The following CNGB3 variants were observed in gnomAD, a reference collection of about 807,000 sequenced individuals.
The protein encoded by CNGB3 is cyclic nucleotide gated channel subunit beta 3.
CNGB3 carries 86 observed loss-of-function variants against 92.8 expected under a neutral mutation model. That is an observed-to-expected ratio of 0.93 (90% CI 0.78 to 1.11). CNGB3 has a LOEUF of 1.11. Among genes scored for constraint, CNGB3 ranks in the 50% least tolerant of loss-of-function variants. The probability of loss-of-function intolerance (pLI) is 0.00; values close to 1 mark genes in which losing one functional copy is unlikely to be tolerated. For synonymous variants in CNGB3, 333 were observed against 332.7 expected, an observed-to-expected ratio of 1.00 and a Z score of -0.01; for missense variants, 1,026 against 956.8, an observed-to-expected ratio of 1.07 and a Z score of -0.95.
At chr8:86,639,658 A>G (rs187016437) in intron 10 of CNGB3, among the ~76,000 whole-genome samples, 37 of 152,262 alleles carry the variant, frequency 2.4e-4, no homozygotes, top group Admixed American at 6.5e-4. Flanking sequence ...TTACAAGATC[A>G]AAGGGTAACA....
At chr8:86,633,855 A>G (rs1823010735) in intron 10 of CNGB3, among the ~76,000 whole-genome samples, 1 of 152,180 alleles carries the variant, frequency 6.6e-6, no homozygotes, top group South Asian at 2.1e-4. Flanking sequence ...TTTCACCCAC[A>G]TATTATTATA....
At chr8:86,723,089 C>T (rs908271536) in intron 3 of CNGB3, among the ~76,000 whole-genome samples, 1 of 152,060 alleles carries the variant, frequency 6.6e-6, no homozygotes, top group Non-Finnish European at 1.5e-5. Context: ...CACTTCTGCC[C>T]ATCTTCCAAA....
At chr8:86,695,899 C>G (rs1346926262) in intron 3 of CNGB3, among the ~76,000 whole-genome samples, 5 of 152,090 alleles carry the variant, frequency 3.3e-5, no homozygotes, top group African/African-American at 4.8e-5. Context: ...AGCTAGACCA[C>G]AGTGATTGTT....
intron 3 of CNGB3, among the ~76,000 whole-genome samples, chr8:86,691,251 T>C (rs1824305794): frequency 6.6e-6 from 1 of 152,188 alleles, no homozygotes; most frequent in African/African-American, 2.4e-5. Flanking sequence ...TGAATTCATT[T>C]ATAAGATCTA....
At chr8:86,620,948 T>C (rs898439786) in intron 13 of CNGB3, among the ~76,000 whole-genome samples, 1 of 152,240 alleles carries the variant, frequency 6.6e-6, no homozygotes, top group African/African-American at 2.4e-5. Flanking sequence ...AAATGGATTC[T>C]TTCTGGAAAG....
intron 13 of CNGB3, among the ~76,000 whole-genome samples, chr8:86,622,413 C>T (rs1284977945): frequency 2.8e-5 from 4 of 144,238 alleles, no homozygotes; most frequent in Non-Finnish European, 4.5e-5. Flanking sequence ...TAATAATTTA[C>T]GTAAAATGAA....
intron 11 of CNGB3, among the ~76,000 whole-genome samples, chr8:86,630,203 C>T (rs1339693251): frequency 6.6e-6 from 1 of 152,176 alleles, no homozygotes; most frequent in Non-Finnish European, 1.5e-5. Flanking sequence ...TATTCCTCAA[C>T]AACCTCAATT....
In CNGB3 at chr8:86,726,456, A is replaced by G. The variant is rs565787246; in HGVS notation, c.338+75T>C. On this transcript the variant is annotated intron_variant, in intron 3 of 17. Coordinates refer to ENST00000320005, the MANE Select transcript of CNGB3 (RefSeq NM_019098.5). ...GCCCTTATATTCAGCTAAAGGGGAGAGTGGATATTTGAGCTCTTTAGGGCA... is the reference window on the plus strand; with the variant it reads ...GCCCTTATATTCAGCTAAAGGGGAGGGTGGATATTTGAGCTCTTTAGGGCA... 2.2e-4 allele frequency: 349 copies of G among 1,582,262 alleles called. No individual in the cohort carries two copies. In the African/African-American group the frequency reaches 4.2e-3, roughly 19 times the overall value.
intron 2 of CNGB3, among the ~76,000 whole-genome samples, chr8:86,728,718 G>A (rs963900260): frequency 2.0e-5 from 3 of 152,048 alleles, no homozygotes; most frequent in Non-Finnish European, 4.4e-5. Flanking sequence ...AGTTATCATG[G>A]GCTTCTCAAA....
At chr8:86,661,058 G>A (rs1353089856) in intron 6 of CNGB3, 1 of 230,872 alleles carries the variant, frequency 4.3e-6, no homozygotes, top group Non-Finnish European at 8.6e-6. Flanking sequence ...TTTTGTGTTT[G>A]GCCTTGGTTC....
chr8:86,691,901 C>T (rs1021038730), intron 3 of CNGB3, among the ~76,000 whole-genome samples: 1 of 151,972 alleles, frequency 6.6e-6, no homozygotes, highest in African/African-American at 2.4e-5. Context: ...TTTGCTGTAT[C>T]CAAGAGGTTT....
intron 3 of CNGB3, among the ~76,000 whole-genome samples, chr8:86,711,166 C>A (rs895069277): frequency 7.9e-5 from 12 of 152,078 alleles, no homozygotes; most frequent in Admixed American, 5.9e-4. Flanking sequence ...GGGCTCTTTG[C>A]GAAAGGAAGG....
chr8:86,722,319 A>T (rs1484228963), intron 3 of CNGB3, among the ~76,000 whole-genome samples: 4 of 152,218 alleles, frequency 2.6e-5, no homozygotes, highest in Non-Finnish European at 5.9e-5. Flanking sequence ...ATAAAGTGCC[A>T]GAAATAAGCT....
At chr8:86,674,932 TTCTC>T (rs1404737382) in intron 3 of CNGB3, among the ~76,000 whole-genome samples, 1 of 133,944 alleles carries the variant, frequency 7.5e-6, no homozygotes, top group Non-Finnish European at 1.6e-5. Context: ...ATTTCTTTCT[TTCTC>T]TCTTTTTGTT....
intron 12 of CNGB3, among the ~76,000 whole-genome samples, chr8:86,626,806 T>TA (rs747702027): frequency 6.6e-6 from 1 of 152,220 alleles, no homozygotes; most frequent in Non-Finnish European, 1.5e-5. Flanking sequence ...TTCAGGCTGA[T>TA]AAAATGTTCC....
chr8:86,679,535 T>TTTCTTTTTCTTTTTC (rs1824040387), intron 3 of CNGB3, among the ~76,000 whole-genome samples: 1 of 24,954 alleles, frequency 4.0e-5, no homozygotes. Flanking sequence ...TTTCTTTTTC[T>TTTCTTTTTCTTTTTC]TTTTTTTTGA....
At chr8:86,670,188 G>T (rs954288527) in intron 4 of CNGB3, among the ~76,000 whole-genome samples, 1 of 152,124 alleles carries the variant, frequency 6.6e-6, no homozygotes, top group Non-Finnish European at 1.5e-5. Flanking sequence ...TTATTAGCGT[G>T]GTTGATAATA....
chr8:86,651,444 C>T (rs1253487435), intron 7 of CNGB3, among the ~76,000 whole-genome samples: 1 of 151,842 alleles, frequency 6.6e-6, no homozygotes, highest in Admixed American at 6.6e-5. Context: ...TGCATCATAT[C>T]ATCAAACCTC....
intron 3 of CNGB3, among the ~76,000 whole-genome samples, chr8:86,691,011 C>G (rs1315862734): frequency 2.0e-5 from 3 of 152,156 alleles, no homozygotes; most frequent in Admixed American, 6.5e-5. Context: ...CAGCTTTATT[C>G]TTTTGGCTTA....
Sources: allele counts gnomAD v4.1 joint callset (sites outside exome capture counted in the v4.1 genomes callset), GRCh38; gene constraint gnomAD v4.1.1; transcripts MANE v1.5; gene names NCBI Gene and HGNC (gene_info 2026-07-23, HGNC 2026-07-21).